Variants in SYT6 observed in about 807,000 individuals in gnomAD.
SYT6 encodes synaptotagmin 6, also known as synaptotagmin-6.
A neutral mutation model predicts 38.4 loss-of-function variants in SYT6; 24 were observed. The observed-to-expected ratio is 0.62, with a 90% CI of 0.45 to 0.88. The LOEUF (loss-of-function observed/expected upper bound fraction) is 0.88, where lower values mean the gene tolerates loss of function less well. SYT6 is among the 40% of genes least tolerant of loss of function. The pLI is 0.00. For missense variants in SYT6, 611 were observed against 621.0 expected, an observed-to-expected ratio of 0.98 and a Z score of 0.17; for synonymous variants, 265 against 241.9, an observed-to-expected ratio of 1.10 and a Z score of -0.89.
intron 3 of SYT6, among the ~76,000 whole-genome samples, chr1:114,131,031 T>C (rs1296553805): frequency 2.6e-5 from 4 of 152,190 alleles, no homozygotes; most frequent in African/African-American, 9.7e-5. Context: ...GAGAAGAGGA[T>C]GCAACTGAAA....
At chr1:114,097,021 A>T (rs1411064719) in intron 6 of SYT6, among the ~76,000 whole-genome samples, 1 of 152,140 alleles carries the variant, frequency 6.6e-6, no homozygotes, top group Non-Finnish European at 1.5e-5. Context: ...AAGTTTGCAG[A>T]TATTACTCAA....
chr1:114,118,586 C>A (rs1197120873), intron 3 of SYT6, among the ~76,000 whole-genome samples: 1 of 152,230 alleles, frequency 6.6e-6, no homozygotes, highest in Non-Finnish European at 1.5e-5. Context: ...GCACGCAGGC[C>A]ATGCCAGGCC....
rs376151928 is a variant in SYT6 at position 114,139,627 on chromosome 1, G to A, written c.500C>T (p.Ala167Val). 5 of 1,613,994 alleles carry A rather than the reference G, an allele frequency of 3.1e-6. No individual in the cohort carries two copies. The highest frequency in any genetic ancestry group is 1.3e-5 in the African/African-American group (1 of 74,928). ...GTCCACTCCTCACCTGGTGGATGACGCTGGCTCTGTAGTTTGCCGCTGCAG... is the reference window on the plus strand; with the variant it reads ...GTCCACTCCTCACCTGGTGGATGACACTGGCTCTGTAGTTTGCCGCTGCAG... ...TRLQRQTTEP[A>V]SSTRHTSFKR... The change falls in exon 2 of 8, where the codon GCG (alanine) becomes GTG (valine). Residue 167 changes from alanine (A) to valine (V), a missense_variant. By Grantham distance (64) the Ala-to-Val change is moderately conservative. Coordinates refer to ENST00000610222, the MANE Select transcript of SYT6 (RefSeq NM_001253772.2).
intron 3 of SYT6, among the ~76,000 whole-genome samples, chr1:114,126,166 A>G (rs914130533): frequency 2.0e-5 from 3 of 152,038 alleles, no homozygotes; most frequent in African/African-American, 7.2e-5. Context: ...ACTCCCAACC[A>G]CCCCAAGCAA....
At chr1:114,131,787 A>G (rs1181201923) in intron 3 of SYT6, among the ~76,000 whole-genome samples, 1 of 152,240 alleles carries the variant, frequency 6.6e-6, no homozygotes, top group Non-Finnish European at 1.5e-5. Context: ...CACTGCTCAC[A>G]GAAAGGAAAT....
intron 3 of SYT6, among the ~76,000 whole-genome samples, chr1:114,129,838 G>GGTTTT (rs1553183173): frequency 9.4e-6 from 1 of 106,688 alleles, no homozygotes. Context: ...CACCACACCT[G>GGTTTT]TTTTTTTTTT....
At chr1:114,129,672 T>C (rs1678022312) in intron 3 of SYT6, among the ~76,000 whole-genome samples, 1 of 150,050 alleles carries the variant, frequency 6.7e-6, no homozygotes. Context: ...TTTCTTTCTT[T>C]CTTTTTCTTT....
At chr1:114,133,159 A>T (rs1029375144) in intron 3 of SYT6, among the ~76,000 whole-genome samples, 8 of 151,622 alleles carry the variant, frequency 5.3e-5, no homozygotes, top group African/African-American at 1.7e-4. Flanking sequence ...GCACACACAC[A>T]CTCTATCCTA....
At chr1:114,149,220 T>TGTGTGTGTGTGTGTGTGTGTGTGCGCGC (rs1226003772) in intron 1 of SYT6, among the ~76,000 whole-genome samples, 23 of 114,010 alleles carry the variant, frequency 2.0e-4, no homozygotes, top group African/African-American at 5.8e-4. Flanking sequence ...AGAGAGATTG[T>TGTGTGTGTGTGTGTGTGTGTGTGCGCGC]GTGTGTGTGT....
rs1675292614 is a variant in SYT6 at position 114,091,392 on chromosome 1, CAGCGAGGAAGGGG to C, written c.*729_*741del. 6.6e-6 allele frequency: 1 copy of C among 152,352 alleles called. No individual in the cohort carries two copies. Among genetic ancestry groups the C allele is most frequent in the Non-Finnish European group, 1.5e-5 (1 of 68,054 alleles). 9.4% of individuals were successfully genotyped at this position (152,352 alleles called of 1,614,324 possible). On this transcript the variant is annotated 3_prime_UTR_variant, in exon 8 of 8. Coordinates refer to ENST00000610222, the MANE Select transcript of SYT6 (RefSeq NM_001253772.2). ...GACGTTTTCAATTCATGGGGAAAGC[CAGCGAGGAAGGGG>C]AGCGAGGAACCCTGCACATCAGCTG...
At chr1:114,126,853 A>G (rs1047489882) in intron 3 of SYT6, among the ~76,000 whole-genome samples, 8 of 152,188 alleles carry the variant, frequency 5.3e-5, no homozygotes, top group Non-Finnish European at 1.0e-4. Flanking sequence ...TCTGGTTGCC[A>G]GTGAGAGCCG....
At chr1:114,119,830 G>T (rs1198954717) in intron 3 of SYT6, among the ~76,000 whole-genome samples, 1 of 152,186 alleles carries the variant, frequency 6.6e-6, no homozygotes, top group Non-Finnish European at 1.5e-5. Context: ...CCAGCACTTT[G>T]GGAGGCGGAG....
chr1:114,109,144 G>A (rs986240258), intron 3 of SYT6, among the ~76,000 whole-genome samples: 6 of 152,160 alleles, frequency 3.9e-5, no homozygotes, highest in African/African-American at 1.4e-4. Flanking sequence ...ACCTGGAGCT[G>A]AGCCAGCCCC....
chr1:114,140,315 C>T (rs751015822), intron 1 of SYT6, among the ~76,000 whole-genome samples: 12 of 152,010 alleles, frequency 7.9e-5, no homozygotes, highest in Admixed American at 2.6e-4. Context: ...AAATAGCAGC[C>T]TAAGCAAATG....
chr1:114,102,913 T>G lies in SYT6; in HGVS notation c.1192+688A>C, dbSNP rs146228996. Among the ~76,000 whole-genome samples, 1,273 of 152,312 alleles carry G rather than the reference T, an allele frequency of 8.4e-3. 7 individuals carry two copies. Among genetic ancestry groups the G allele is most frequent in the Non-Finnish European group, 0.013 (853 of 68,030 alleles). ...CCTCCTTCCACAACTTGCAGAATTG[T>G]GGGGAAAGACTCAAACCTCTGACAC... On this transcript the variant is annotated intron_variant, in intron 4 of 7. Transcript: ENST00000610222.
intron 3 of SYT6, among the ~76,000 whole-genome samples, chr1:114,133,867 A>C (rs1054923822): frequency 6.6e-6 from 1 of 150,770 alleles, no homozygotes; most frequent in African/African-American, 2.4e-5. Flanking sequence ...AAAGAGCTAG[A>C]CTCCTCGGAT....
rs754434860 is a variant in SYT6 at position 114,138,048 on chromosome 1, G to A, written c.518C>T (p.Thr173Met). 1.2e-5 allele frequency: 19 copies of A among 1,613,078 alleles called. No individual in the cohort carries two copies. The highest frequency in any genetic ancestry group is 4.4e-5 in the South Asian group (4 of 90,984). Residue 173 changes from threonine (T) to methionine (M), a missense_variant, in exon 3 of 8, where the codon ACG (threonine) becomes ATG (methionine). Coordinates refer to ENST00000610222, the MANE Select transcript of SYT6 (RefSeq NM_001253772.2). The part of the protein sequence containing the change: ...TTEPASSTRH[T>M]SFKRHLPRQM... ...CCTTGGCAGGTGGCGCTTGAAGGAC[G>A]TGTGCCTGGTAGAGGGCAGGAGGGG...
intron 3 of SYT6, among the ~76,000 whole-genome samples, chr1:114,134,241 G>C (rs1316806302): frequency 6.6e-6 from 1 of 152,116 alleles, no homozygotes; most frequent in African/African-American, 2.4e-5. Flanking sequence ...CACAGGCTGG[G>C]TCTCTCCCCA....
At chr1:114,125,947 T>C (rs1677703601) in intron 3 of SYT6, among the ~76,000 whole-genome samples, 1 of 152,180 alleles carries the variant, frequency 6.6e-6, no homozygotes, top group South Asian at 2.1e-4. Context: ...CCCTTTGACA[T>C]TTAATGCCTT....
Sources: gnomAD v4.1 joint callset for allele counts (sites outside exome capture counted in the v4.1 genomes callset) on GRCh38, gnomAD v4.1.1 for gene constraint, MANE v1.5 for transcripts, NCBI Gene and HGNC (gene_info 2026-07-23, HGNC 2026-07-21) for gene names.